The following ATAD2B variants were observed in gnomAD, a reference collection of about 807,000 sequenced individuals.
ATAD2B encodes ATPase family AAA domain-containing protein 2B.
Under a neutral mutation model 167.6 loss-of-function variants are expected in ATAD2B, and 40 were observed. The ratio of observed to expected loss-of-function variants is 0.24; its 90% CI spans 0.19 to 0.31. ATAD2B has a LOEUF of 0.31. ATAD2B is among the 10% of genes least tolerant of loss of function. The probability of loss-of-function intolerance (pLI) is 1.00; values close to 1 mark genes in which losing one functional copy is unlikely to be tolerated. For synonymous variants in ATAD2B, 579 were observed against 596.5 expected, an observed-to-expected ratio of 0.97 and a Z score of 0.43; for missense variants, 1,242 against 1,757.2, an observed-to-expected ratio of 0.71 and a Z score of 5.24.
At chr2:23,745,368 A>AAG (rs1674783911), downstream of ATAD2B, among the ~76,000 whole-genome samples, 17 of 52,884 alleles carry the variant, frequency 3.2e-4, no homozygotes, top group African/African-American at 4.1e-4. Flanking sequence ...AAGGAAGGAA[A>AAG]GAAGGAAGGA....
chr2:23,778,027 G>A (rs189731714), intron 22 of ATAD2B, among the ~76,000 whole-genome samples: 329 of 152,220 alleles, frequency 2.2e-3, no homozygotes, highest in African/African-American at 7.6e-3. Flanking sequence ...AATACTCATG[G>A]GAACTTGTAA....
At chr2:23,862,477 A>G (rs1465423130) in intron 12 of ATAD2B, among the ~76,000 whole-genome samples, 1 of 142,004 alleles carries the variant, frequency 7.0e-6, no homozygotes, top group Non-Finnish European at 1.5e-5. Context: ...GTGGTGTCAT[A>G]ATCGCTCACT....
intron 14 of ATAD2B, among the ~76,000 whole-genome samples, chr2:23,831,298 G>GTA (rs1269765605): frequency 6.6e-6 from 1 of 152,044 alleles, no homozygotes; most frequent in Non-Finnish European, 1.5e-5. Flanking sequence ...AAATTAAAAA[G>GTA]CATTATTGCA....
chr2:23,795,478 C>T (rs552014100), intron 19 of ATAD2B, among the ~76,000 whole-genome samples: 2 of 152,278 alleles, frequency 1.3e-5, no homozygotes, highest in South Asian at 4.1e-4. Context: ...TGGCAACTTG[C>T]TAACCTACAG....
At chr2:23,895,550 C>T (rs891534770) in intron 2 of ATAD2B, among the ~76,000 whole-genome samples, 2 of 151,928 alleles carry the variant, frequency 1.3e-5, no homozygotes, top group African/African-American at 4.8e-5. Flanking sequence ...TTTAAATTTT[C>T]AGGACTATAA....
intron 22 of ATAD2B, among the ~76,000 whole-genome samples, chr2:23,770,688 T>C (rs1235922814): frequency 6.6e-6 from 1 of 152,228 alleles, no homozygotes; most frequent in Non-Finnish European, 1.5e-5. Context: ...CTCTATCCTA[T>C]TCCATTGACC....
intron 1 of ATAD2B, among the ~76,000 whole-genome samples, chr2:23,903,214 C>A (rs1701040254): frequency 1.4e-5 from 2 of 141,772 alleles, no homozygotes; most frequent in East Asian, 4.1e-4. Flanking sequence ...CCAGTCTGGG[C>A]AACAGAGCAA....
the ATAD2B span, among the ~76,000 whole-genome samples, chr2:23,726,960 A>G: frequency 6.6e-6 from 1 of 152,206 alleles, no homozygotes; most frequent in Non-Finnish European, 1.5e-5. Context: ...TGCTATGTGT[A>G]TTTTACCAAA....
intron 18 of ATAD2B, among the ~76,000 whole-genome samples, chr2:23,801,218 T>A (rs1683443692): frequency 6.6e-6 from 1 of 151,512 alleles, no homozygotes; most frequent in South Asian, 2.1e-4. Context: ...ATTCTTATAG[T>A]ATAAGCAACA....
chr2:23,905,072 G>A (rs574676566), intron 1 of ATAD2B, among the ~76,000 whole-genome samples: 5 of 152,126 alleles, frequency 3.3e-5, no homozygotes, highest in Admixed American at 6.5e-5. Flanking sequence ...ACATAGAAGC[G>A]ACCTGTTAGT....
At chr2:23,809,464 A>AATTT (rs1685202335) in intron 18 of ATAD2B, among the ~76,000 whole-genome samples, 1 of 152,184 alleles carries the variant, frequency 6.6e-6, no homozygotes, top group African/African-American at 2.4e-5. Context: ...TTAGATAATT[A>AATTT]CAGTATATGT....
At position 23,865,006 on chromosome 2, in the gene ATAD2B, G is replaced by A. The variant is rs146035127; in HGVS notation, c.1189-82C>T. On this transcript the variant is annotated intron_variant, in intron 10 of 27. Coordinates refer to ENST00000238789, the MANE Select transcript of ATAD2B (RefSeq NM_017552.4). Reference sequence around the variant, plus strand: ...TTTAAAATTTATAAAAGAGTCTTACGATTCAGAAATACATGCCTTTAGCAG... The same window carrying A: ...TTTAAAATTTATAAAAGAGTCTTACAATTCAGAAATACATGCCTTTAGCAG... 3.1e-4 allele frequency: 242 copies of A among 782,092 alleles called. 3 individuals are homozygous for A. The South Asian group carries it at 4.8e-3, about 15-fold the overall frequency. 48.4% of individuals were successfully genotyped at this position (782,092 alleles called of 1,614,324 possible).
At position 23,909,493 on chromosome 2, in the gene ATAD2B, C is replaced by CATAT. The variant is rs34492457; in HGVS notation, c.217-13527_217-13524dup. ...ACATATATATATACATACATACATA[C>CATAT]ATATATATTATACATACACACACAT... is the stretch of plus-strand genomic sequence containing the variant. On this transcript the variant is annotated intron_variant, in intron 1 of 27. Transcript: ENST00000238789. Among the ~76,000 whole-genome samples, 53 of 151,222 alleles carry CATAT rather than the reference C, an allele frequency of 3.5e-4. No homozygotes were observed. The East Asian group carries it at 5.8e-3, about 17-fold the overall frequency.
Position 23,926,685 on chromosome 2 carries a change from G to T in ATAD2B, c.86C>A (p.Pro29His). Residue 29 changes from proline (P) to histidine (H), a missense_variant, in exon 1 of 28, where the codon CCT (proline) becomes CAT (histidine). Physicochemically the swap from Pro to His is moderately conservative, Grantham distance 77. This residue lies in a region of ATAD2B where 199 missense variants were observed against 194.9 expected (regional missense o/e 1.02). Coordinates refer to ENST00000238789, the MANE Select transcript of ATAD2B (RefSeq NM_017552.4). ...PGPGPGAGAE[P>H]GATGGSSHFI... ...ATGGCTGCTGCCTCCGGTCGCCCCAGGCTCTGCTCCGGCCCCAGGCCCAGG... is the reference window on the plus strand; with the variant it reads ...ATGGCTGCTGCCTCCGGTCGCCCCATGCTCTGCTCCGGCCCCAGGCCCAGG... 1 of 1,553,642 alleles carries T rather than the reference G, an allele frequency of 6.4e-7. No homozygotes were observed. Among genetic ancestry groups the T allele is most frequent in the Non-Finnish European group, 8.7e-7 (1 of 1,149,114 alleles).
At chr2:23,817,135 G>A (rs1686571468) in intron 17 of ATAD2B, among the ~76,000 whole-genome samples, 13 of 152,180 alleles carry the variant, frequency 8.5e-5, no homozygotes, top group Admixed American at 7.9e-4. Context: ...GCTTCTTGGA[G>A]AGTGTGAAAT....
intron 4 of ATAD2B, among the ~76,000 whole-genome samples, chr2:23,886,683 G>C (rs1365041762): frequency 6.6e-6 from 1 of 152,172 alleles, no homozygotes; most frequent in Non-Finnish European, 1.5e-5. Flanking sequence ...TGTAATCCTA[G>C]CACTTTGGGA....
intron 22 of ATAD2B, among the ~76,000 whole-genome samples, chr2:23,778,019 T>C (rs1315515587): frequency 2.0e-5 from 3 of 152,190 alleles, no homozygotes; most frequent in African/African-American, 7.2e-5. Context: ...AGCTTCCAAA[T>C]ACTCATGGGA....
rs3030816 is a variant in ATAD2B at position 23,805,795 on chromosome 2, T to TAAAAAAAAA, written c.2454+4512_2454+4520dup. Among the ~76,000 whole-genome samples, 49 of 100,948 alleles carry TAAAAAAAAA rather than the reference T, an allele frequency of 4.9e-4. 3 individuals carry two copies. The highest frequency in any genetic ancestry group is 9.5e-4 in the African/African-American group (28 of 29,426). 66.2% of individuals were successfully genotyped at this position (100,948 alleles called of 152,430 possible). On this transcript the variant is annotated intron_variant, in intron 18 of 27. Coordinates refer to ENST00000238789, the MANE Select transcript of ATAD2B (RefSeq NM_017552.4). The stretch of plus-strand genomic sequence containing the variant: ...ATCTCCAAATGGCATTATCAAGCTT[T>TAAAAAAAAA]AAAAAAAAAAAAACAAATCTGATAC...
At chr2:23,864,964 A>C in intron 10 of ATAD2B, 40 bp from the exon 11 acceptor site, 2 of 1,180,104 alleles carry the variant, frequency 1.7e-6, no homozygotes, top group South Asian at 3.4e-5. Flanking sequence ...AAACAATTTT[A>C]TATGTTTTAT....
Sources: gnomAD v4.1 joint callset for allele counts (sites outside exome capture counted in the v4.1 genomes callset) on GRCh38, gnomAD v4.1.1 for gene constraint, gnomAD v4.1.1 regional missense constraint, MANE v1.5 for transcripts, NCBI Gene and HGNC (gene_info 2026-07-23, HGNC 2026-07-21) for gene names.